MGST1: variants seen among roughly 807,000 people sequenced by gnomAD.
MGST1 encodes microsomal glutathione S-transferase 1, also known as glutathione S-transferase 12.
In MGST1, 5 loss-of-function variants were observed where a neutral mutation model predicts 8.9. That is an observed-to-expected ratio of 0.56 (90% confidence interval 0.29 to 1.19). The LOEUF is 1.19. Among genes scored for constraint, MGST1 ranks in the 50% most tolerant of loss-of-function variants. The pLI is 0.08. For missense variants in MGST1, 182 were observed against 187.4 expected, an observed-to-expected ratio of 0.97 and a Z score of 0.17; for synonymous variants, 54 against 67.8, an observed-to-expected ratio of 0.80 and a Z score of 1.00.
rs1940585230 is a variant in MGST1 at position 16,394,518 on chromosome 12, CTTTCTTTCTTTCTTTCTT to C, written n.778+10916_778+10933del. Among the ~76,000 whole-genome samples the C allele has an allele frequency of 1.3e-3, 99 of 77,724 alleles. 3 individuals carry two copies. Among genetic ancestry groups the C allele is most frequent in the East Asian group, 7.8e-3 (25 of 3,190 alleles). The allele number at this position is 77,724 out of a possible 152,430, so 51.0% of individuals were successfully genotyped here. A position where few individuals can be genotyped will look rare whatever the true frequency, so the allele number is the denominator to read the frequency against. On this transcript the variant is annotated intron_variant and non_coding_transcript_variant, in intron 1 of 1. Transcript: ENST00000359720. ...TCTTTCTCTCTCTTTCTCTCCCTTT[CTTTCTTTCTTTCTTTCTT>C]TCTTTCTTTCTTTCTTTCTTTCTTT...
chr12:16,522,935 A>C (rs1156652046), intron 4 of MGST1, among the ~76,000 whole-genome samples: 1 of 152,058 alleles, frequency 6.6e-6, no homozygotes, highest in Non-Finnish European at 1.5e-5. Context: ...CACAGTGGCA[A>C]TATTGTATTA....
chr12:16,564,216 C>T (rs888736991), intron 4 of MGST1, among the ~76,000 whole-genome samples: 7 of 152,082 alleles, frequency 4.6e-5, no homozygotes, highest in African/African-American at 1.2e-4. Flanking sequence ...GGTAAGAACA[C>T]GGCCTACCTG....
At position 16,401,907 on chromosome 12, in the gene MGST1, A is replaced by T; in HGVS notation, n.778+18303A>T. On this transcript the variant is annotated intron_variant and non_coding_transcript_variant, in intron 1 of 1. Transcript: ENST00000359720. This position sits in a 1 kb window ranked among gnomAD's most constrained non-coding sequence, Gnocchi z 4.3. ...GAGCTCCCCATCCTCCCTTACAGCG[A>T]CTGTATATGCCACAACTGCACTGAT... 3 of 1,606,140 alleles carry T rather than the reference A, an allele frequency of 1.9e-6. No homozygotes were observed. The highest frequency in any genetic ancestry group is 2.6e-6 in the Non-Finnish European group (3 of 1,172,706).
At chr12:16,471,126 T>C (rs963885037) in intron 4 of MGST1, among the ~76,000 whole-genome samples, 1 of 152,210 alleles carries the variant, frequency 6.6e-6, no homozygotes, top group African/African-American at 2.4e-5. Flanking sequence ...TAAATAACCA[T>C]TTATCGCCGT....
intron 2 of MGST1, among the ~76,000 whole-genome samples, chr12:16,356,795 GA>G (rs1263422028): frequency 6.6e-6 from 1 of 152,178 alleles, no homozygotes; most frequent in Non-Finnish European, 1.5e-5. Context: ...TTTAGAAAAA[GA>G]AAAGAGGTAC....
In MGST1 at chr12:16,391,553, C is replaced by T. The variant is rs182138789; in HGVS notation, n.778+7949C>T. Among the ~76,000 whole-genome samples the T allele has an allele frequency of 3.1e-3, 468 of 151,402 alleles. 3 individuals carry two copies. Among genetic ancestry groups the T allele is most frequent in the African/African-American group, 0.011 (461 of 41,260 alleles). ...GTATATGTGCCACATTTTCTTTATC[C>T]AGTGTATTATTGATGCCTTTGCCCA... On this transcript the variant is annotated intron_variant and non_coding_transcript_variant, in intron 1 of 1. Transcript: ENST00000359720.
At chr12:16,461,180 G>A (rs199877988) in intron 4 of MGST1, among the ~76,000 whole-genome samples, 35 of 145,738 alleles carry the variant, frequency 2.4e-4, no homozygotes, top group Non-Finnish European at 2.3e-4. Context: ...ATGCCCAAAG[G>A]AAAAAAAAAA....
chr12:16,543,468 C>T (rs1941803890), intron 4 of MGST1, among the ~76,000 whole-genome samples: 1 of 152,008 alleles, frequency 6.6e-6, no homozygotes. Flanking sequence ...CCCATGTCTA[C>T]CTAATGGAGC....
At chr12:16,400,873 C>A in intron 1 of MGST1, 1 of 1,172,360 alleles carries the variant, frequency 8.5e-7, no homozygotes, top group South Asian at 1.2e-5. Context: ...CCTTAGGCAT[C>A]AGAGATGGGT....
intron 4 of MGST1, among the ~76,000 whole-genome samples, chr12:16,457,899 G>T (rs960285625): frequency 2.6e-5 from 4 of 151,906 alleles, no homozygotes; most frequent in African/African-American, 9.7e-5. Context: ...CTGCTTAATT[G>T]TATTTTGGAG....
intron 4 of MGST1, among the ~76,000 whole-genome samples, chr12:16,553,355 A>C (rs1591765024): frequency 1.3e-5 from 2 of 152,170 alleles, no homozygotes; most frequent in Admixed American, 6.5e-5. Flanking sequence ...AATAATGTGA[A>C]GATTAAATGG....
exon 2 of MGST1, chr12:16,437,601 G>A (rs547229670): frequency 2.0e-5 from 3 of 152,246 alleles, no homozygotes; most frequent in Admixed American, 2.0e-4. Context: ...CATTCACCAA[G>A]ACACACCATT....
intron 4 of MGST1, among the ~76,000 whole-genome samples, chr12:16,506,349 G>A (rs866836797): frequency 6.6e-6 from 1 of 152,128 alleles, no homozygotes; most frequent in East Asian, 1.9e-4. Flanking sequence ...TGGGCAGTAA[G>A]TTTGCCTGCC....
At chr12:16,430,402 T>C (rs933975141) in intron 1 of MGST1, among the ~76,000 whole-genome samples, 12 of 152,180 alleles carry the variant, frequency 7.9e-5, no homozygotes, top group Non-Finnish European at 1.0e-4. Flanking sequence ...TTGTGCTAGA[T>C]CCATCAGAGG....
At chr12:16,424,767 G>T (rs1940870860) in intron 1 of MGST1, among the ~76,000 whole-genome samples, 1 of 152,126 alleles carries the variant, frequency 6.6e-6, no homozygotes. Context: ...CTGTCACCTT[G>T]TCATTTCCCC....
At chr12:16,570,507 G>C (rs1378145931) in intron 4 of MGST1, among the ~76,000 whole-genome samples, 2 of 151,966 alleles carry the variant, frequency 1.3e-5, no homozygotes, top group Non-Finnish European at 2.9e-5. Context: ...AAATGATCAT[G>C]GTCATTTTGT....
intron 4 of MGST1, among the ~76,000 whole-genome samples, chr12:16,469,012 A>T (rs1034749983): frequency 2.0e-5 from 3 of 152,144 alleles, no homozygotes; most frequent in Admixed American, 6.5e-5. Flanking sequence ...AGGAATTTAG[A>T]TGGAGCAAAA....
chr12:16,369,655 T>C lies in MGST1; in HGVS notation c.222-6467T>C, dbSNP rs1275758253. The stretch of plus-strand genomic sequence containing the variant: ...TATATTTCCTGCAACTGCTTTTGTG[T>C]CACAATGGCAGAGTGGCGTAGTTGA... On this transcript the variant is annotated intron_variant, in intron 3 of 3. Transcript: ENST00000535309. This position sits in a 1 kb window ranked among gnomAD's most constrained non-coding sequence, Gnocchi z 4.8. 1.3e-5 allele frequency: 2 copies of C among 152,184 alleles called. No homozygotes were observed. Among genetic ancestry groups the C allele is most frequent in the Admixed American group, 1.3e-4 (2 of 15,272 alleles). 9.4% of individuals were successfully genotyped at this position (152,184 alleles called of 1,614,324 possible). A position where few individuals can be genotyped will look rare whatever the true frequency, so the allele number is the denominator to read the frequency against.
chr12:16,409,320 C>CCA (rs1940721929), intron 1 of MGST1, among the ~76,000 whole-genome samples: 1 of 151,536 alleles, frequency 6.6e-6, no homozygotes, highest in Admixed American at 6.6e-5. Flanking sequence ...ACACACATAT[C>CCA]CACACACACA....
Sources: gnomAD v4.1 joint callset for allele counts (sites outside exome capture counted in the v4.1 genomes callset) on GRCh38, gnomAD v4.1.1 for gene constraint, Gnocchi (gnomAD v3.1) non-coding constraint, MANE v1.5 for transcripts, NCBI Gene and HGNC (gene_info 2026-07-23, HGNC 2026-07-21) for gene names.